The following CMYA5 variants were observed in gnomAD, a reference collection of about 807,000 sequenced individuals.
The protein encoded by CMYA5 is cardiomyopathy associated 5.
In CMYA5, 246 loss-of-function variants were observed where a neutral mutation model predicts 318.9. That is an observed-to-expected ratio of 0.77 (90% confidence interval 0.70 to 0.86). The LOEUF is 0.86. CMYA5 is among the 40% of genes least tolerant of loss of function. The pLI is 0.00. For missense variants in CMYA5, 4,589 were observed against 4,678.2 expected (o/e 0.98, Z 0.56); for synonymous variants, 1,641 against 1,729.5 (o/e 0.95, Z 1.27).
intron 1 of CMYA5, 67 bp downstream of exon 1, chr5:79,690,123 TTTAAG>T: frequency 5.8e-6 from 8 of 1,376,806 alleles, no homozygotes; most frequent in Non-Finnish European, 7.5e-6. Context: ...GCTTGTTTGC[TTTAAG>T]TTTTTAAGCT....
In CMYA5 at chr5:79,751,651, A is replaced by G. The variant is rs1828432437; in HGVS notation, c.10992-1025A>G. Among the ~76,000 whole-genome samples the G allele has an allele frequency of 2.0e-5, 3 of 152,226 alleles. No individual in the cohort carries two copies. In the South Asian group the frequency reaches 6.2e-4, roughly 32 times the overall value. On this transcript the variant is annotated intron_variant, in intron 5 of 12. Transcript: ENST00000446378. ...TATTGGCCTCTTATTTATTCAAAAT[A>G]TGTTTATTAAATGCCCACCATGTGC...
At chr5:79,749,091 ATGTT>A (rs1828385100) in intron 5 of CMYA5, among the ~76,000 whole-genome samples, 1 of 152,192 alleles carries the variant, frequency 6.6e-6, no homozygotes, top group African/African-American at 2.4e-5. Context: ...GTGCTTAAAT[ATGTT>A]CATCTGTGTG....
At chr5:79,764,790 T>C (rs1333663693) in intron 9 of CMYA5, among the ~76,000 whole-genome samples, 13 of 152,366 alleles carry the variant, frequency 8.5e-5, no homozygotes, top group South Asian at 2.1e-4. Context: ...ATAAATGTCT[T>C]CTTTTGAGAA....
In CMYA5 at chr5:79,733,107, C is replaced by T; in HGVS notation, c.4342C>T (p.Leu1448Phe). ...EAEKEIKFDS[L>F]PSVSSIAEHS... is the part of the protein sequence containing the mutation. ...AGAGAAGGAAATTAAATTTGATTCA[C>T]TTCCAAGTGTCTCCTCTATAGCAGA... Residue 1448 changes from leucine to phenylalanine, a missense_variant, in exon 2 of 13, where the codon CTT (leucine) becomes TTT (phenylalanine). Leu to Phe is a conservative substitution (Grantham distance 22). Around this residue, in one of 3 missense-constraint regions of CMYA5, gnomAD observed 2,132 missense variants for 2,131.3 expected, o/e 1.00. Transcript: ENST00000446378. The T allele has an allele frequency of 6.2e-7, 1 of 1,613,708 alleles. No individual in the cohort carries two copies. The highest frequency in any genetic ancestry group is 8.5e-7 in the Non-Finnish European group (1 of 1,179,800).
chr5:79,741,036 G>A (rs1174238353), intron 2 of CMYA5, among the ~76,000 whole-genome samples: 1 of 151,898 alleles, frequency 6.6e-6, no homozygotes, highest in East Asian at 1.9e-4. Flanking sequence ...CTGCCACACT[G>A]GGTTAATTTT....
intron 1 of CMYA5, among the ~76,000 whole-genome samples, chr5:79,720,846 A>G (rs1237929884): frequency 6.6e-6 from 1 of 152,196 alleles, no homozygotes; most frequent in African/African-American, 2.4e-5. Context: ...ACACCAGAGG[A>G]AATACTAAAG....
intron 1 of CMYA5, among the ~76,000 whole-genome samples, chr5:79,711,644 G>T (rs1827393125): frequency 6.6e-6 from 1 of 152,016 alleles, no homozygotes; most frequent in South Asian, 2.1e-4. Flanking sequence ...AAAAAATGGG[G>T]GCTGGGAAAT....
intron 1 of CMYA5, among the ~76,000 whole-genome samples, chr5:79,714,073 A>G (rs1362299574): frequency 6.6e-6 from 1 of 152,192 alleles, no homozygotes; most frequent in Non-Finnish European, 1.5e-5. Context: ...TGGAGGTTGG[A>G]GTAGCATTTG....
intron 5 of CMYA5, among the ~76,000 whole-genome samples, chr5:79,750,265 A>C (rs1165305983): frequency 6.7e-6 from 1 of 149,130 alleles, no homozygotes; most frequent in Non-Finnish European, 1.5e-5. Context: ...TAATAAATAC[A>C]GTACAGTACT....
rs1378374442 is a variant in CMYA5 at position 79,722,365 on chromosome 5, T to C, written c.150-6550T>C. Reference sequence around the variant, plus strand: ...TTCACATGTTAGAAAAAGGGACAGTTTGAAAATTAATGACATAAGAATCTA... The same window carrying C: ...TTCACATGTTAGAAAAAGGGACAGTCTGAAAATTAATGACATAAGAATCTA... On this transcript the variant is annotated intron_variant, in intron 1 of 12. Coordinates refer to ENST00000446378, the MANE Select transcript of CMYA5 (RefSeq NM_153610.5). 2.0e-5 allele frequency among the ~76,000 whole-genome samples: 3 copies of C among 152,220 alleles called. No individual in the cohort carries two copies. In the East Asian group the frequency reaches 5.8e-4, roughly 29 times the overall value.
In CMYA5 at chr5:79,725,141, C is replaced by T. The variant is rs192901878; in HGVS notation, c.150-3774C>T. 3.9e-4 allele frequency among the ~76,000 whole-genome samples: 59 copies of T among 152,294 alleles called. 1 individual carries two copies. The East Asian group carries it at 0.011, about 28-fold the overall frequency. Reference sequence around the variant, plus strand: ...GGTATAGACCCAAAGGAAAATAAATCATTCTACCAAAAAGGCATGTACACT... The same window carrying T: ...GGTATAGACCCAAAGGAAAATAAATTATTCTACCAAAAAGGCATGTACACT... On this transcript the variant is annotated intron_variant, in intron 1 of 12. Coordinates refer to ENST00000446378, the MANE Select transcript of CMYA5 (RefSeq NM_153610.5).
intron 1 of CMYA5, among the ~76,000 whole-genome samples, chr5:79,714,200 C>T (rs1344662418): frequency 6.6e-6 from 1 of 152,078 alleles, no homozygotes; most frequent in African/African-American, 2.4e-5. Flanking sequence ...TTTCACACCC[C>T]TCTTCTTTTG....
Position 79,738,223 on chromosome 5 carries a change from C to G in CMYA5, c.9458C>G (p.Pro3153Arg). The change falls in exon 2 of 13, where the codon CCG becomes CGG. Residue 3153 changes from proline (P) to arginine (R), a missense_variant. Physicochemically the swap from Pro to Arg is moderately radical, Grantham distance 103. Around this residue, in one of 3 missense-constraint regions of CMYA5, gnomAD observed 2,431 missense variants for 2,495.1 expected, o/e 0.97. Coordinates refer to ENST00000446378, the MANE Select transcript of CMYA5 (RefSeq NM_153610.5). ...AAGAGAGATGTGGACTCAAAGTCAC[C>G]GGGGATGCCTTTATTTGAAGCAGAG... ...DTKRDVDSKS[P>R]GMPLFEAEEG... is the part of the protein sequence containing the mutation. 6.2e-7 allele frequency: 1 copy of G among 1,613,752 alleles called. No homozygotes were observed. Among genetic ancestry groups the G allele is most frequent in the South Asian group, 1.1e-5 (1 of 91,064 alleles).
intron 4 of CMYA5, among the ~76,000 whole-genome samples, chr5:79,745,779 T>G (rs761961515): frequency 1.3e-5 from 2 of 152,172 alleles, no homozygotes; most frequent in Non-Finnish European, 2.9e-5. Context: ...ATGCTTTCCC[T>G]CTGAGGGCCA....
At position 79,737,982 on chromosome 5, in the gene CMYA5, C is replaced by T. The variant is rs1315366581; in HGVS notation, c.9217C>T (p.Pro3073Ser). 5 of 1,613,234 alleles carry T rather than the reference C, an allele frequency of 3.1e-6. No individual in the cohort carries two copies. Among genetic ancestry groups the T allele is most frequent in the Non-Finnish European group, 4.2e-6 (5 of 1,179,654 alleles). The change falls in exon 2 of 13, where the codon CCA (proline) becomes TCA (serine). Residue 3073 changes from proline (P) to serine (S), a missense_variant. Coordinates refer to ENST00000446378, the MANE Select transcript of CMYA5 (RefSeq NM_153610.5). ...CCCAGACCCAGAAAAACAGAAAGCTCCACAGAAATTAAATGTTGAAGAGAA... is the reference window on the plus strand; with the variant it reads ...CCCAGACCCAGAAAAACAGAAAGCTTCACAGAAATTAAATGTTGAAGAGAA... ...ISPDPEKQKA[P>S]QKLNVEEKLS... is the part of the protein sequence containing the mutation.
At position 79,730,212 on chromosome 5, in the gene CMYA5, G is replaced by A. The variant is rs762394281; in HGVS notation, c.1447G>A (p.Glu483Lys). ...LTPTHPSVKGEKEENMLEPSI... is the reference protein window; with the variant it reads ...LTPTHPSVKGKKEENMLEPSI... ...CCCTACCCATCCCAGTGTCAAAGGA[G>A]AGAAGGAGGAAAACATGCTTGAGCC... Residue 483 changes from glutamate to lysine, a missense_variant, in exon 2 of 13, where the codon GAG becomes AAG. Glu to Lys is a moderately conservative substitution (Grantham distance 56, BLOSUM62 1). This residue lies in a region of CMYA5 where 2,132 missense variants were observed against 2,131.3 expected (regional missense o/e 1.00). Transcript: ENST00000446378. 1.2e-6 allele frequency: 2 copies of A among 1,614,000 alleles called. No individual in the cohort carries two copies. Among genetic ancestry groups the A allele is most frequent in the South Asian group, 1.1e-5 (1 of 91,080 alleles).
At chr5:79,777,023 T>G (rs1006803934) in intron 9 of CMYA5, among the ~76,000 whole-genome samples, 1 of 152,138 alleles carries the variant, frequency 6.6e-6, no homozygotes, top group Non-Finnish European at 1.5e-5. Flanking sequence ...TCCTTTCCTT[T>G]TTTTCCATCC....
intron 1 of CMYA5, among the ~76,000 whole-genome samples, chr5:79,700,157 A>C (rs576307321): frequency 1.3e-5 from 2 of 152,198 alleles, no homozygotes; most frequent in Non-Finnish European, 2.9e-5. Flanking sequence ...AACCTGCTAC[A>C]GTTTTCACTT....
chr5:79,705,640 A>G (rs1172747639), intron 1 of CMYA5, among the ~76,000 whole-genome samples: 4 of 152,218 alleles, frequency 2.6e-5, no homozygotes, highest in African/African-American at 9.6e-5. Flanking sequence ...AGAAAGGTCT[A>G]TATTGACCTA....
Sources: allele counts gnomAD v4.1 joint callset (sites outside exome capture counted in the v4.1 genomes callset), GRCh38; gene constraint gnomAD v4.1.1; regional missense constraint gnomAD v4.1.1; transcripts MANE v1.5; gene names NCBI Gene and HGNC (gene_info 2026-07-23, HGNC 2026-07-21).